The following METTL25 variants were observed in gnomAD, a reference collection of about 807,000 sequenced individuals.
METTL25 encodes methyltransferase like 25.
In METTL25, 64 loss-of-function variants were observed where a neutral mutation model predicts 71.6. The ratio of observed to expected loss-of-function variants is 0.89; its 90% CI spans 0.73 to 1.10. The LOEUF is 1.10. Ranked by LOEUF, METTL25 falls within the 50% of genes least tolerant of loss-of-function variation. The pLI is 0.00. For synonymous variants in METTL25, 287 were observed against 250.3 expected, an observed-to-expected ratio of 1.15 and a Z score of -1.38; for missense variants, 807 against 707.0, an observed-to-expected ratio of 1.14 and a Z score of -1.60.
intron 3 of METTL25, among the ~76,000 whole-genome samples, chr12:82,392,077 A>G (rs28893218): frequency 7.6e-6 from 1 of 130,956 alleles, no homozygotes; most frequent in African/African-American, 2.8e-5. Context: ...TTATTTTTTT[A>G]TTTTTTATTT....
intron 9 of METTL25, among the ~76,000 whole-genome samples, chr12:82,471,773 A>G (rs1892583441): frequency 6.6e-6 from 1 of 152,192 alleles, no homozygotes. Context: ...GTGTTTTCTC[A>G]GTAGATTTCA....
intron 9 of METTL25, among the ~76,000 whole-genome samples, chr12:82,470,394 C>T (rs1159806992): frequency 6.6e-6 from 1 of 152,052 alleles, no homozygotes; most frequent in Non-Finnish European, 1.5e-5. Context: ...GCTATTTTAC[C>T]AGTCAAAAGA....
At chr12:82,429,554 T>C (rs183562898) in intron 5 of METTL25, among the ~76,000 whole-genome samples, 22 of 151,848 alleles carry the variant, frequency 1.4e-4, no homozygotes, top group African/African-American at 5.3e-4. Flanking sequence ...TTATTTTCCT[T>C]TGGATAAATA....
At position 82,399,282 on chromosome 12, in the gene METTL25, A is replaced by G; in HGVS notation, c.1019A>G (p.Asn340Ser). 6.2e-7 allele frequency: 1 copy of G among 1,613,784 alleles called. No homozygotes were observed. The highest frequency in any genetic ancestry group is 8.5e-7 in the Non-Finnish European group (1 of 1,179,838). ...QIPNRETSEANKERRKMTSKS... is the reference protein window; with the variant it reads ...QIPNRETSEASKERRKMTSKS... The stretch of plus-strand genomic sequence containing the variant: ...CCCAACAGAGAAACATCTGAAGCCA[A>G]TAAAGAGAGAAGAAAAATGACATCA... The change falls in exon 4 of 12, where the codon AAT becomes AGT. Residue 340 changes from asparagine (N) to serine (S), a missense_variant. Asn to Ser is a conservative substitution (Grantham distance 46). Transcript: ENST00000248306.
At chr12:82,454,844 A>G (rs1309141213) in intron 8 of METTL25, among the ~76,000 whole-genome samples, 2 of 151,938 alleles carry the variant, frequency 1.3e-5, no homozygotes, top group Admixed American at 6.6e-5. Flanking sequence ...AATCTAGACT[A>G]TAATACCAGT....
At chr12:82,384,061 G>T (rs887288177) in intron 1 of METTL25, among the ~76,000 whole-genome samples, 6 of 152,114 alleles carry the variant, frequency 3.9e-5, no homozygotes, top group Non-Finnish European at 2.9e-5. Flanking sequence ...AAGATGATAA[G>T]TAAAGCATGT....
chr12:82,399,591 A>G (rs1307764764), intron 4 of METTL25, among the ~76,000 whole-genome samples, 197 bp downstream of exon 4: 2 of 152,162 alleles, frequency 1.3e-5, no homozygotes, highest in African/African-American at 4.8e-5. Context: ...AGTATCCTCT[A>G]CTCATTTCAA....
At chr12:82,379,473 T>C (rs1884212239) in intron 1 of METTL25, among the ~76,000 whole-genome samples, 1 of 152,230 alleles carries the variant, frequency 6.6e-6, no homozygotes, top group Admixed American at 6.5e-5. Flanking sequence ...ATGCTTCTCA[T>C]TTTAAATGAA....
At chr12:82,456,592 A>G (rs952754012) in intron 8 of METTL25, 135 bp from the exon 9 acceptor site, 46 of 510,334 alleles carry the variant, frequency 9.0e-5, no homozygotes, top group African/African-American at 6.7e-4. Context: ...CCTCAAAAGT[A>G]TTACTGTATT....
intron 1 of METTL25, among the ~76,000 whole-genome samples, chr12:82,371,948 C>A (rs1413888153): frequency 6.6e-6 from 1 of 152,104 alleles, no homozygotes; most frequent in Non-Finnish European, 1.5e-5. Context: ...AGTCTATATC[C>A]CAGTGGATCC....
chr12:82,435,014 T>A (rs1294755476), intron 7 of METTL25, among the ~76,000 whole-genome samples: 7 of 151,476 alleles, frequency 4.6e-5, no homozygotes, highest in African/African-American at 1.7e-4. Flanking sequence ...GACAATTAGG[T>A]TTTTAGGTGC....
intron 5 of METTL25, among the ~76,000 whole-genome samples, chr12:82,426,898 T>A (rs191221475): frequency 6.6e-6 from 1 of 152,018 alleles, no homozygotes; most frequent in African/African-American, 2.4e-5. Context: ...ACCACAACAC[T>A]TACAGCTTCA....
chr12:82,403,193 A>G (rs1048924137), intron 5 of METTL25, 63 bp downstream of exon 5: 51 of 1,476,456 alleles, frequency 3.5e-5, no homozygotes, highest in African/African-American at 1.3e-4. Flanking sequence ...TGCTATTTCT[A>G]TTTTCTATTT....
intron 5 of METTL25, among the ~76,000 whole-genome samples, chr12:82,428,145 C>G (rs532279975): frequency 6.6e-6 from 1 of 151,992 alleles, no homozygotes; most frequent in African/African-American, 2.4e-5. Flanking sequence ...CATACCCCCC[C>G]ATCCCTTTTA....
rs565384350 is a variant in METTL25, at chr12:82,422,241, A to G, written c.1280-8652A>G. ...ATCCCTGGGATGCAAGGCTGGTTCA[A>G]CATACGCAAATCAATAAACGTAATC... On this transcript the variant is annotated intron_variant, in intron 5 of 11. Coordinates refer to ENST00000248306, the MANE Select transcript of METTL25 (RefSeq NM_032230.3). Among the ~76,000 whole-genome samples, 39 of 152,340 alleles carry G rather than the reference A, an allele frequency of 2.6e-4. No homozygotes were observed. The South Asian group carries it at 7.9e-3, about 31-fold the overall frequency.
chr12:82,424,509 C>T (rs1029229873), intron 5 of METTL25, among the ~76,000 whole-genome samples: 2 of 150,736 alleles, frequency 1.3e-5, no homozygotes, highest in African/African-American at 4.9e-5. Context: ...ACATTGTGCA[C>T]ATGTACCTTA....
chr12:82,445,889 G>C (rs1890701797), intron 8 of METTL25, among the ~76,000 whole-genome samples: 1 of 152,160 alleles, frequency 6.6e-6, no homozygotes, highest in African/African-American at 2.4e-5. Flanking sequence ...ATACAAATAT[G>C]TTTTAATTCA....
intron 1 of METTL25, among the ~76,000 whole-genome samples, chr12:82,361,900 G>T (rs1006656051): frequency 1.3e-5 from 2 of 152,216 alleles, no homozygotes; most frequent in African/African-American, 2.4e-5. Flanking sequence ...CTCCTCAAGC[G>T]TGGCCAGAGT....
chr12:82,373,034 G>T (rs990239951), intron 1 of METTL25, among the ~76,000 whole-genome samples: 5 of 152,096 alleles, frequency 3.3e-5, no homozygotes, highest in Admixed American at 3.3e-4. Flanking sequence ...TCGAAAACCT[G>T]CACCCTTGCG....
Sources: allele counts gnomAD v4.1 joint callset (sites outside exome capture counted in the v4.1 genomes callset), GRCh38; gene constraint gnomAD v4.1.1; transcripts MANE v1.5; gene names NCBI Gene and HGNC (gene_info 2026-07-23, HGNC 2026-07-21).